The following GRIN2B variants were observed in gnomAD, a reference collection of about 807,000 sequenced individuals.
GRIN2B encodes glutamate receptor ionotropic, NMDA 2B.
A neutral mutation model predicts 114.5 loss-of-function variants in GRIN2B; 5 were observed. The observed-to-expected ratio is 0.04, with a 90% CI of 0.02 to 0.09. The LOEUF is 0.09. Among genes scored for constraint, GRIN2B ranks in the 10% least tolerant of loss-of-function variants. The pLI, the probability that GRIN2B is intolerant of heterozygous loss-of-function variation, is 1.00. For missense variants in GRIN2B, 1,108 were observed against 1,943.5 expected, an observed-to-expected ratio of 0.57 and a Z score of 8.08; for synonymous variants, 787 against 745.1, an observed-to-expected ratio of 1.06 and a Z score of -0.92.
chr12:13,572,970 G>A (rs1220583183), intron 10 of GRIN2B, among the ~76,000 whole-genome samples: 1 of 150,134 alleles, frequency 6.7e-6, no homozygotes, highest in Non-Finnish European at 1.5e-5. Context: ...CGTCTCTGAT[G>A]TCATCATTAA....
At chr12:13,637,471 A>C (rs1565484777) in intron 5 of GRIN2B, among the ~76,000 whole-genome samples, 5 of 152,180 alleles carry the variant, frequency 3.3e-5, no homozygotes. Flanking sequence ...TTCCTCAAGA[A>C]AAATATCAGT....
intron 3 of GRIN2B, among the ~76,000 whole-genome samples, chr12:13,833,888 G>A (rs1013326206): frequency 6.6e-6 from 1 of 152,024 alleles, no homozygotes; most frequent in African/African-American, 2.4e-5. Flanking sequence ...AAAAATGAAG[G>A]TCATTCCAGC....
Position 13,563,340 on chromosome 12 carries a change from G to A in GRIN2B, c.3898C>T (p.Arg1300Trp), listed in dbSNP as rs1565453201. The A allele has an allele frequency of 6.2e-7, 1 of 1,614,060 alleles. No individual in the cohort carries two copies. Residue 1300 changes from arginine (R) to tryptophan (W), a missense_variant, in exon 14 of 14, where the codon CGG (arginine) becomes TGG (tryptophan). Physicochemically the swap from Arg to Trp is moderately radical, Grantham distance 101. This residue lies in a region of GRIN2B where 478 missense variants were observed against 506.0 expected (regional missense o/e 0.94). Coordinates refer to ENST00000609686, the MANE Select transcript of GRIN2B (RefSeq NM_000834.5). ...AQKKNRNKLRRQHSYDTFVDL... is the reference protein window; with the variant it reads ...AQKKNRNKLRWQHSYDTFVDL... ...ACGAAGGTGTCGTAGGAGTGCTGCC[G>A]GCGCAGTTTGTTCCGGTTCTTCTTC...
chr12:13,833,364 A>G (rs527818290), intron 3 of GRIN2B, among the ~76,000 whole-genome samples: 13 of 152,274 alleles, frequency 8.5e-5, no homozygotes, highest in Non-Finnish European at 1.0e-4. Flanking sequence ...GGACAGTCAC[A>G]ATGGGCCTCG....
chr12:13,582,802 C>G (rs1171511014), intron 10 of GRIN2B, among the ~76,000 whole-genome samples: 5 of 152,150 alleles, frequency 3.3e-5, no homozygotes, highest in Non-Finnish European at 2.9e-5. Flanking sequence ...GGAGCCGAAA[C>G]AAAAGCTTGC....
intron 2 of GRIN2B, among the ~76,000 whole-genome samples, chr12:13,972,752 C>A (rs1862951632): frequency 1.3e-5 from 2 of 152,232 alleles, no homozygotes. Flanking sequence ...CACGTAACCT[C>A]CAAGGTGACT....
intron 2 of GRIN2B, among the ~76,000 whole-genome samples, chr12:13,896,382 C>T (rs1866354656): frequency 6.6e-6 from 1 of 151,944 alleles, no homozygotes; most frequent in South Asian, 2.1e-4. Context: ...GATAGGGTGT[C>T]CACTGAAAAG....
rs1365745586 is a variant in GRIN2B, at chr12:13,540,843, G to A, written c.*21940C>T. 2.0e-5 allele frequency: 3 copies of A among 152,252 alleles called. No homozygotes were observed. The highest frequency in any genetic ancestry group is 7.2e-5 in the African/African-American group (3 of 41,450). 9.4% of individuals were successfully genotyped at this position (152,252 alleles called of 1,614,324 possible). ...AGGAGTGTGGAGTCTGGGCCTCGCA[G>A]AGCTGAGGCAAGCCTGAGTCGTCGG... On this transcript the variant is annotated 3_prime_UTR_variant, in exon 14 of 14. Transcript: ENST00000609686.
In GRIN2B at chr12:13,922,974, T is replaced by C. The variant is rs139195837; in HGVS notation, c.-18-56748A>G. Among the ~76,000 whole-genome samples the C allele has an allele frequency of 3.3e-5, 5 of 152,348 alleles. No homozygotes were observed. In the East Asian group the frequency reaches 5.8e-4, roughly 18 times the overall value. ...ACATTAAACCATCTAGCATCACTTATTCCAGTAGCATATCTCTGAGGAAAA... is the reference window on the plus strand; with the variant it reads ...ACATTAAACCATCTAGCATCACTTACTCCAGTAGCATATCTCTGAGGAAAA... On this transcript the variant is annotated intron_variant, in intron 2 of 13. Transcript: ENST00000609686.
intron 2 of GRIN2B, among the ~76,000 whole-genome samples, chr12:13,945,572 T>C (rs1187295158): frequency 6.6e-6 from 1 of 152,162 alleles, no homozygotes; most frequent in Non-Finnish European, 1.5e-5. Context: ...TTCCACTGTT[T>C]CCTCTCCAGA....
At chr12:13,810,018 C>T (rs1864696196) in intron 3 of GRIN2B, among the ~76,000 whole-genome samples, 1 of 152,128 alleles carries the variant, frequency 6.6e-6, no homozygotes, top group Non-Finnish European at 1.5e-5. Context: ...TAGGGGTTCT[C>T]TGCTTGCTGT....
At chr12:13,611,918 T>C in intron 8 of GRIN2B, 68 bp from the exon 9 acceptor site, 1 of 1,517,630 alleles carries the variant, frequency 6.6e-7, no homozygotes, top group Non-Finnish European at 9.2e-7. Context: ...TTAATTCACA[T>C]ATTCATTTCA....
At chr12:13,655,269 TC>T (rs1345656583) in intron 5 of GRIN2B, among the ~76,000 whole-genome samples, 2 of 152,102 alleles carry the variant, frequency 1.3e-5, no homozygotes, top group African/African-American at 4.8e-5. Flanking sequence ...AAAAGCCACA[TC>T]TTTTCAAGCT....
At chr12:13,577,780 T>G (rs1287824524) in intron 10 of GRIN2B, among the ~76,000 whole-genome samples, 1 of 152,192 alleles carries the variant, frequency 6.6e-6, no homozygotes, top group African/African-American at 2.4e-5. Context: ...GGCAGGAGAC[T>G]GTATTAGGAA....
At chr12:13,804,545 C>A (rs541950907) in intron 3 of GRIN2B, among the ~76,000 whole-genome samples, 9 of 152,110 alleles carry the variant, frequency 5.9e-5, no homozygotes, top group Non-Finnish European at 1.3e-4. Context: ...GGTCCCTCCA[C>A]CTTGACTGCA....
At chr12:13,667,699 T>G (rs1414640565) in intron 5 of GRIN2B, among the ~76,000 whole-genome samples, 2 of 152,148 alleles carry the variant, frequency 1.3e-5, no homozygotes, top group African/African-American at 2.4e-5. Flanking sequence ...GAGAAAAAAG[T>G]AGATTGCAAA....
rs201881500 is a variant in GRIN2B at position 13,564,663 on chromosome 12, G to A, written c.2599-24C>T. 33 of 1,607,560 alleles carry A rather than the reference G, an allele frequency of 2.1e-5. No homozygotes were observed. The Middle Eastern group carries it at 6.6e-4, about 32-fold the overall frequency. ...CCCTGAAGCAAGAATGGAGGGACAG[G>A]TTAGATCTCCAGAGAGGCTAGAAAT... On this transcript the variant is annotated intron_variant, in intron 13 of 13. Transcript: ENST00000609686. The surrounding 1 kb of genome is among the most constrained non-coding windows in gnomAD (Gnocchi z 4.8).
At chr12:13,856,814 C>T (rs1865668837) in intron 3 of GRIN2B, among the ~76,000 whole-genome samples, 1 of 152,138 alleles carries the variant, frequency 6.6e-6, no homozygotes, top group African/African-American at 2.4e-5. Flanking sequence ...ATGGTTTCAG[C>T]TATCCTGTCC....
intron 3 of GRIN2B, among the ~76,000 whole-genome samples, chr12:13,819,322 C>G (rs1440368946): frequency 6.6e-6 from 1 of 152,144 alleles, no homozygotes; most frequent in Non-Finnish European, 1.5e-5. Flanking sequence ...TTTGCACCAC[C>G]ACATCTGTGG....
Sources: gnomAD v4.1 joint callset for allele counts (sites outside exome capture counted in the v4.1 genomes callset) on GRCh38, gnomAD v4.1.1 for gene constraint, gnomAD v4.1.1 regional missense constraint, Gnocchi (gnomAD v3.1) non-coding constraint, MANE v1.5 for transcripts, NCBI Gene and HGNC (gene_info 2026-07-23, HGNC 2026-07-21) for gene names.